Variants in PCCA observed in about 807,000 individuals in gnomAD.
PCCA encodes the protein propionyl-CoA carboxylase subunit alpha.
In PCCA, 74 loss-of-function variants were observed where a neutral mutation model predicts 101.3. The ratio of observed to expected loss-of-function variants is 0.73; its 90% CI spans 0.61 to 0.89. The LOEUF is 0.89. Among genes scored for constraint, PCCA ranks in the 40% least tolerant of loss-of-function variants. PCCA has a pLI of 0.00. For synonymous variants in PCCA, 294 were observed against 313.6 expected (o/e 0.94, Z 0.66); for missense variants, 891 against 907.0 (o/e 0.98, Z 0.23).
chr13:100,295,594 A>T (rs1387188889), intron 12 of PCCA, among the ~76,000 whole-genome samples: 1 of 152,236 alleles, frequency 6.6e-6, no homozygotes, highest in Admixed American at 6.5e-5. Flanking sequence ...CTATTAAATG[A>T]CAGTGATGTA....
chr13:100,321,429 A>T (rs2068017348), intron 16 of PCCA, among the ~76,000 whole-genome samples: 1 of 152,118 alleles, frequency 6.6e-6, no homozygotes, highest in Non-Finnish European at 1.5e-5. Context: ...AGGTATATTG[A>T]TGTCATTAGA....
chr13:100,146,269 T>G (rs1036329681), intron 4 of PCCA, among the ~76,000 whole-genome samples: 2 of 151,592 alleles, frequency 1.3e-5, no homozygotes, highest in African/African-American at 4.8e-5. Context: ...ATATCTGTTG[T>G]ATTAAATTTA....
At chr13:100,215,122 G>T (rs1204858197) in intron 7 of PCCA, among the ~76,000 whole-genome samples, 2 of 152,126 alleles carry the variant, frequency 1.3e-5, no homozygotes, top group Non-Finnish European at 2.9e-5. Flanking sequence ...TTGTCTCTTA[G>T]TCATTGTTTA....
At chr13:100,177,730 A>G (rs865916617) in intron 6 of PCCA, among the ~76,000 whole-genome samples, 25 of 152,332 alleles carry the variant, frequency 1.6e-4, no homozygotes, top group Non-Finnish European at 2.6e-4. Flanking sequence ...CATCACCTTC[A>G]AGTAGTCCAT....
intron 4 of PCCA, among the ~76,000 whole-genome samples, chr13:100,136,811 A>G (rs1260899604): frequency 6.6e-6 from 1 of 151,098 alleles, no homozygotes; most frequent in Non-Finnish European, 1.5e-5. Flanking sequence ...CTTTTTAGAG[A>G]TTTATCAGTT....
chr13:100,379,670 A>G (rs2076116149), intron 19 of PCCA, among the ~76,000 whole-genome samples: 1 of 152,160 alleles, frequency 6.6e-6, no homozygotes, highest in South Asian at 2.1e-4. Context: ...AAGGAAGAGC[A>G]GAGGGACATC....
chr13:100,340,160 A>G lies in PCCA; in HGVS notation c.1544A>G (p.His515Arg), dbSNP rs1446610391. Residue 515 changes from histidine to arginine, a missense_variant, in exon 18 of 24, where the codon CAC becomes CGC. Physicochemically the swap from His to Arg is conservative, Grantham distance 29 (BLOSUM62 0). Coordinates refer to ENST00000376285, the MANE Select transcript of PCCA (RefSeq NM_000282.4). ...SDVYPDGFKG[H>R]MLTKSEKNQL... ...TTGGTTGATTGATTTCCCTCAGGAC[A>G]CATGCTAACCAAGAGTGAGAAGAAC... 1.3e-6 allele frequency: 2 copies of G among 1,555,038 alleles called. No homozygotes were observed. The highest frequency in any genetic ancestry group is 2.2e-5 in the East Asian group (1 of 44,562).
chr13:100,289,841 G>A (rs1048971923), intron 12 of PCCA, among the ~76,000 whole-genome samples: 4 of 151,904 alleles, frequency 2.6e-5, no homozygotes, highest in Non-Finnish European at 4.4e-5. Flanking sequence ...TAGCTCCCAT[G>A]TATACAGCCC....
At chr13:100,092,408 G>A (rs527633261) in intron 1 of PCCA, among the ~76,000 whole-genome samples, 1 of 151,010 alleles carries the variant, frequency 6.6e-6, no homozygotes, top group African/African-American at 2.4e-5. Context: ...TTTGAGATGG[G>A]GTCTGGCTCT....
At chr13:100,408,959 G>A (rs1230847330) in intron 19 of PCCA, among the ~76,000 whole-genome samples, 7 of 152,190 alleles carry the variant, frequency 4.6e-5, no homozygotes, top group Non-Finnish European at 1.0e-4. Flanking sequence ...GAGGAGAGAA[G>A]CTTAAGCTTA....
intron 23 of PCCA, 121 bp downstream of exon 23, chr13:100,527,873 A>G: frequency 1.3e-6 from 1 of 778,790 alleles, no homozygotes; most frequent in Admixed American, 1.8e-5. Context: ...TCGCTTCTAC[A>G]GAGGAGGACG....
At chr13:100,344,083 A>T (rs548952955) in intron 18 of PCCA, among the ~76,000 whole-genome samples, 4 of 152,354 alleles carry the variant, frequency 2.6e-5, no homozygotes, top group African/African-American at 7.2e-5. Flanking sequence ...TCAAAGTAAT[A>T]AAAAGTAAAA....
intron 9 of PCCA, among the ~76,000 whole-genome samples, chr13:100,261,585 C>T (rs2062522865): frequency 6.6e-6 from 1 of 151,934 alleles, no homozygotes; most frequent in South Asian, 2.1e-4. Context: ...AGGCTGGTCT[C>T]GAACTTCTGA....
chr13:100,124,227 G>A (rs1181124740), intron 4 of PCCA, among the ~76,000 whole-genome samples: 1 of 152,100 alleles, frequency 6.6e-6, no homozygotes, highest in Non-Finnish European at 1.5e-5. Context: ...AGAGGAAAAT[G>A]ATTCTGTATA....
In PCCA at chr13:100,301,593, T is replaced by A; in HGVS notation, c.1199T>A (p.Val400Asp). The change falls in exon 13 of 24, where the codon GTT (valine) becomes GAT (aspartate). Residue 400 changes from valine to aspartate, a missense_variant. Physicochemically the swap from Val to Asp is radical, Grantham distance 152. Coordinates refer to ENST00000376285, the MANE Select transcript of PCCA (RefSeq NM_000282.4). ...AACGGCTGGGCAGTTGAATGTCGGG[T>A]TTATGCTGAGGTAAAATGAATGGTG... The part of the protein sequence containing the change: ...RINGWAVECR[V>D]YAEDPYKSFG... The A allele has an allele frequency of 6.2e-7, 1 of 1,613,836 alleles. No homozygotes were observed. Among genetic ancestry groups the A allele is most frequent in the East Asian group, 2.2e-5 (1 of 44,866 alleles).
chr13:100,093,008 G>C (rs2046416269), intron 1 of PCCA, among the ~76,000 whole-genome samples: 1 of 152,176 alleles, frequency 6.6e-6, no homozygotes, highest in Non-Finnish European at 1.5e-5. Flanking sequence ...AACTGCTCTA[G>C]TCCTTTTCTA....
Position 100,102,744 on chromosome 13 carries a change from T to C in PCCA, c.106-139T>C, listed in dbSNP as rs1222586368. The C allele has an allele frequency of 4.6e-6, 3 of 652,682 alleles. No homozygotes were observed. In the African/African-American group the frequency reaches 5.4e-5, roughly 12 times the overall value. The allele number at this position is 652,682 out of a possible 1,614,324, so 40.4% of individuals were successfully genotyped here. A position where few individuals can be genotyped will look rare whatever the true frequency, so the allele number is the denominator to read the frequency against. Reference sequence around the variant, plus strand: ...GTAGATATGATTTCCCTTTTGTAATTATATTTATGGTATATTGCCTAGAAC... The same window carrying C: ...GTAGATATGATTTCCCTTTTGTAATCATATTTATGGTATATTGCCTAGAAC... On this transcript the variant is annotated intron_variant, in intron 1 of 23. Transcript: ENST00000376285.
chr13:100,408,091 G>T (rs1186152939), intron 19 of PCCA, among the ~76,000 whole-genome samples: 1 of 152,232 alleles, frequency 6.6e-6, no homozygotes, highest in Admixed American at 6.5e-5. Context: ...GGCAAAGCTT[G>T]CAGTGAGCTA....
At chr13:100,373,919 C>G (rs549299210) in intron 19 of PCCA, among the ~76,000 whole-genome samples, 1 of 152,192 alleles carries the variant, frequency 6.6e-6, no homozygotes, top group Non-Finnish European at 1.5e-5. Context: ...CGAGACCAGC[C>G]TGGCCAACAT....
Sources: allele counts gnomAD v4.1 joint callset (sites outside exome capture counted in the v4.1 genomes callset), GRCh38; gene constraint gnomAD v4.1.1; transcripts MANE v1.5; gene names NCBI Gene and HGNC (gene_info 2026-07-23, HGNC 2026-07-21).